GALNT13: variants seen among roughly 807,000 people sequenced by gnomAD.
GALNT13 encodes UDP-GalNAc:polypeptide N-acetylgalactosaminyltransferase 13.
In GALNT13, 28 loss-of-function variants were observed where a neutral mutation model predicts 64.2. The observed-to-expected ratio is 0.44, with a 90% CI of 0.32 to 0.60. The LOEUF (loss-of-function observed/expected upper bound fraction) is 0.60, where lower values mean the gene tolerates loss of function less well. Ranked by LOEUF, GALNT13 falls within the 20% of genes least tolerant of loss-of-function variation. The pLI, the probability that GALNT13 is intolerant of heterozygous loss-of-function variation, is 0.05. For missense variants in GALNT13, 577 were observed against 669.8 expected (o/e 0.86, Z 1.53); for synonymous variants, 214 against 224.6 (o/e 0.95, Z 0.42).
At chr2:153,437,785 A>G in the GALNT13 span, among the ~76,000 whole-genome samples, 47 of 151,890 alleles carry the variant, frequency 3.1e-4, no homozygotes, top group East Asian at 6.4e-3. Context: ...TATCCAATTT[A>G]CCAGTCTGTG....
intron 3 of GALNT13, among the ~76,000 whole-genome samples, chr2:154,067,075 G>A (rs1700507620): frequency 6.6e-6 from 1 of 151,964 alleles, no homozygotes; most frequent in African/African-American, 2.4e-5. Context: ...GTGTCAAGTT[G>A]TCATCAGTTT....
the GALNT13 span, among the ~76,000 whole-genome samples, chr2:153,147,577 T>C: frequency 1.3e-5 from 2 of 151,358 alleles, no homozygotes; most frequent in African/African-American, 4.9e-5. Context: ...CCTAGAAGTT[T>C]TGAAATCGGT....
intron 4 of GALNT13, among the ~76,000 whole-genome samples, chr2:154,193,415 G>A (rs188917577): frequency 6.6e-6 from 1 of 152,264 alleles, no homozygotes; most frequent in Admixed American, 6.5e-5. Context: ...CTCTCCTTGG[G>A]GGGCAGTAGA....
chr2:153,597,383 G>A, the GALNT13 span, among the ~76,000 whole-genome samples: 2 of 151,980 alleles, frequency 1.3e-5, no homozygotes, highest in South Asian at 4.1e-4. Flanking sequence ...TTAAATGGTT[G>A]AAAGCATGAT....
At chr2:154,120,869 A>G (rs1348957941) in intron 3 of GALNT13, among the ~76,000 whole-genome samples, 1 of 152,188 alleles carries the variant, frequency 6.6e-6, no homozygotes, top group Non-Finnish European at 1.5e-5. Flanking sequence ...ACCAAGATTC[A>G]TGCGCTAGTC....
chr2:153,316,981 T>C, the GALNT13 span, among the ~76,000 whole-genome samples: 1 of 152,152 alleles, frequency 6.6e-6, no homozygotes, highest in African/African-American at 2.4e-5. Flanking sequence ...CTTATCACTA[T>C]AAATAATAAA....
chr2:154,077,723 G>C (rs1227869492), intron 3 of GALNT13, among the ~76,000 whole-genome samples: 1 of 151,290 alleles, frequency 6.6e-6, no homozygotes, highest in Non-Finnish European at 1.5e-5. Context: ...TGTATGCTTT[G>C]GAAATACCCA....
chr2:153,997,037 GT>G (rs1574293107), intron 3 of GALNT13, among the ~76,000 whole-genome samples: 1 of 152,202 alleles, frequency 6.6e-6, no homozygotes, highest in East Asian at 1.9e-4. Context: ...CTTTGTGTCT[GT>G]TTTTATGTCA....
At chr2:153,917,551 C>T (rs949912554) in intron 2 of GALNT13, among the ~76,000 whole-genome samples, 4 of 151,880 alleles carry the variant, frequency 2.6e-5, no homozygotes, top group Admixed American at 6.6e-5. Context: ...AAACCAAAAA[C>T]GTCTAAATAA....
the GALNT13 span, among the ~76,000 whole-genome samples, chr2:153,630,808 T>TATATATATATTTATTTA: frequency 1.8e-4 from 3 of 16,984 alleles, no homozygotes; most frequent in Non-Finnish European, 2.9e-4. Context: ...TATATATATA[T>TATATATATATTTATTTA]TTTTTTTTTT....
chr2:154,000,242 C>G (rs1313071246), intron 3 of GALNT13, among the ~76,000 whole-genome samples: 3 of 151,078 alleles, frequency 2.0e-5, no homozygotes, highest in Non-Finnish European at 4.4e-5. Flanking sequence ...AAAATTGTAT[C>G]TGTTCGTATT....
the GALNT13 span, among the ~76,000 whole-genome samples, chr2:153,829,313 T>C: frequency 6.6e-6 from 1 of 152,134 alleles, no homozygotes; most frequent in South Asian, 2.1e-4. Flanking sequence ...CTGGGTTATT[T>C]ACAAAAGAAA....
chr2:153,071,106 A>G, the GALNT13 span, among the ~76,000 whole-genome samples: 22 of 152,266 alleles, frequency 1.4e-4, no homozygotes, highest in Middle Eastern at 3.4e-3. Flanking sequence ...AGAAAAAACA[A>G]TTTCTTCCCT....
At chr2:154,172,283 C>T (rs1434862799) in intron 4 of GALNT13, among the ~76,000 whole-genome samples, 1 of 151,782 alleles carries the variant, frequency 6.6e-6, no homozygotes, top group African/African-American at 2.4e-5. Context: ...TTTGTCTTTT[C>T]TTTGTGCTAT....
the GALNT13 span, among the ~76,000 whole-genome samples, chr2:153,553,885 C>T: frequency 8.4e-4 from 128 of 152,176 alleles, 1 homozygote; most frequent in African/African-American, 2.9e-3. Flanking sequence ...GGAGGATGGA[C>T]TGCAAATTCC....
At chr2:154,065,050 A>G (rs1191265252) in intron 3 of GALNT13, among the ~76,000 whole-genome samples, 5 of 152,064 alleles carry the variant, frequency 3.3e-5, no homozygotes, top group African/African-American at 1.2e-4. Context: ...AAGCTGACTG[A>G]AGATCCCTTG....
the GALNT13 span, among the ~76,000 whole-genome samples, chr2:153,742,060 T>C: frequency 3.9e-5 from 6 of 152,126 alleles, no homozygotes; most frequent in African/African-American, 1.4e-4. Context: ...TACTGTGCAA[T>C]GGATTTTAAA....
rs1344613037 is a variant in GALNT13, at chr2:154,002,823, GC to G, written c.142+58187del. Among the ~76,000 whole-genome samples, 5 of 152,212 alleles carry G rather than the reference GC, an allele frequency of 3.3e-5. No individual in the cohort carries two copies. The East Asian group carries it at 9.7e-4, about 29-fold the overall frequency. On this transcript the variant is annotated intron_variant, in intron 3 of 12. Transcript: ENST00000392825. ...AATTGTTACCAGAGTTTAATCATGG[GC>G]CCGTTTGTTGCTTCGAATTCTAGGG...
At chr2:153,251,927 A>T in the GALNT13 span, among the ~76,000 whole-genome samples, 1 of 151,786 alleles carries the variant, frequency 6.6e-6, no homozygotes, top group African/African-American at 2.4e-5. Context: ...GCCGCAATAA[A>T]CATACGTGTG....
Sources: allele counts gnomAD v4.1 joint callset (sites outside exome capture counted in the v4.1 genomes callset), GRCh38; gene constraint gnomAD v4.1.1; transcripts MANE v1.5; gene names NCBI Gene and HGNC (gene_info 2026-07-23, HGNC 2026-07-21).